The following PTGFR variants were observed in gnomAD, a reference collection of about 807,000 sequenced individuals.
PTGFR encodes prostaglandin F2-alpha receptor.
Under a neutral mutation model 26.2 loss-of-function variants are expected in PTGFR, and 15 were observed. The observed-to-expected ratio is 0.57, with a 90% CI of 0.38 to 0.88. The LOEUF (loss-of-function observed/expected upper bound fraction) is 0.88. Ranked by LOEUF, PTGFR falls within the 40% of genes least tolerant of loss-of-function variation. PTGFR has a pLI of 0.00. For synonymous variants in PTGFR, 165 were observed against 151.1 expected (o/e 1.09, Z -0.68); for missense variants, 369 against 427.2 (o/e 0.86, Z 1.20).
At chr1:78,504,962 G>A (rs1356278299) in intron 2 of PTGFR, among the ~76,000 whole-genome samples, 1 of 151,846 alleles carries the variant, frequency 6.6e-6, no homozygotes, top group Non-Finnish European at 1.5e-5. Flanking sequence ...ATTTTATTTA[G>A]ACTTGAGTAC....
Position 78,514,998 on chromosome 1 carries a change from G to A in PTGFR, c.799-21408G>A, listed in dbSNP as rs59024670. ...ATGCTTCCTGTACAGCCTGCAAAACGGTGAGCCAACTAAACCTCTTTTCTT... is the reference window on the plus strand; with the variant it reads ...ATGCTTCCTGTACAGCCTGCAAAACAGTGAGCCAACTAAACCTCTTTTCTT... On this transcript the variant is annotated intron_variant, in intron 2 of 2. Coordinates refer to ENST00000370757, the MANE Select transcript of PTGFR (RefSeq NM_000959.4). 3.9e-4 allele frequency among the ~76,000 whole-genome samples: 60 copies of A among 152,122 alleles called. No individual in the cohort carries two copies. In the East Asian group the frequency reaches 0.01, roughly 26 times the overall value.
chr1:78,516,467 A>T (rs991676701), intron 2 of PTGFR, among the ~76,000 whole-genome samples: 2 of 152,172 alleles, frequency 1.3e-5, no homozygotes, highest in Non-Finnish European at 1.5e-5. Flanking sequence ...TAAAAGGAGG[A>T]TTATTTTTGT....
At chr1:78,529,736 A>G (rs1465050293) in intron 2 of PTGFR, among the ~76,000 whole-genome samples, 1 of 152,170 alleles carries the variant, frequency 6.6e-6, no homozygotes, top group African/African-American at 2.4e-5. Context: ...ATTAGTCTAA[A>G]GCAGGGGTCC....
chr1:78,539,400 C>A lies in PTGFR; in HGVS notation c.*2713C>A, dbSNP rs1650738598. ...TTGTTAAAACTATTGCTAGCTTCAC[C>A]TGTATACCATCATTGTTCCAAATTA... On this transcript the variant is annotated 3_prime_UTR_variant, in exon 3 of 3. Transcript: ENST00000370757. 6.6e-6 allele frequency: 1 copy of A among 152,338 alleles called. No homozygotes were observed. Among genetic ancestry groups the A allele is most frequent in the Non-Finnish European group, 1.5e-5 (1 of 67,964 alleles). The allele number at this position is 152,338 out of a possible 1,614,324, so 9.4% of individuals were successfully genotyped here. A position where few individuals can be genotyped will look rare whatever the true frequency, so the allele number is the denominator to read the frequency against.
intron 2 of PTGFR, among the ~76,000 whole-genome samples, chr1:78,521,142 C>T (rs944198064): frequency 2.0e-5 from 3 of 152,036 alleles, no homozygotes; most frequent in Admixed American, 2.0e-4. Flanking sequence ...CTCACTGCAA[C>T]CTTTTAAGTA....
intron 2 of PTGFR, among the ~76,000 whole-genome samples, chr1:78,531,676 C>G (rs1052394167): frequency 6.6e-6 from 1 of 151,982 alleles, no homozygotes; most frequent in African/African-American, 2.4e-5. Flanking sequence ...TTAAATCCAA[C>G]TTGACTCTTT....
intron 2 of PTGFR, among the ~76,000 whole-genome samples, chr1:78,504,451 G>A (rs1388480592): frequency 1.3e-5 from 2 of 152,012 alleles, no homozygotes; most frequent in Non-Finnish European, 2.9e-5. Flanking sequence ...GAACTGTTTG[G>A]ATAGCAAAGA....
intron 2 of PTGFR, among the ~76,000 whole-genome samples, chr1:78,507,138 CAGG>C (rs1464981603): frequency 1.3e-5 from 2 of 152,072 alleles, no homozygotes; most frequent in Admixed American, 6.5e-5. Flanking sequence ...CTTTTGTTTC[CAGG>C]AGAACTCTGT....
chr1:78,519,357 TTAGATAA>T (rs1214821912), intron 2 of PTGFR, among the ~76,000 whole-genome samples: 1 of 152,132 alleles, frequency 6.6e-6, no homozygotes, highest in East Asian at 1.9e-4. Flanking sequence ...AATATAGATA[TTAGATAA>T]TAGATAATAA....
rs184554276 is a variant in PTGFR, at chr1:78,522,120, C to T, written c.799-14286C>T. On this transcript the variant is annotated intron_variant, in intron 2 of 2. Transcript: ENST00000370757. Reference sequence around the variant, plus strand: ...TTCCTTGTGACTGTAGATCTGAGGTCCTTGTTTCCTGACTGGCCCTCAGGT... The same window carrying T: ...TTCCTTGTGACTGTAGATCTGAGGTTCTTGTTTCCTGACTGGCCCTCAGGT... 1.5e-3 allele frequency among the ~76,000 whole-genome samples: 224 copies of T among 152,082 alleles called. 2 individuals carry two copies. The highest frequency in any genetic ancestry group is 5.3e-3 in the African/African-American group (221 of 41,486).
At position 78,493,154 on chromosome 1, in the gene PTGFR, C is replaced by G; in HGVS notation, c.411C>G (p.Val137=). Residue 137 remains valine, a synonymous_variant, in exon 2 of 3, where the codon GTC becomes GTG. Transcript: ENST00000370757. ...SVMAIERCIG[V]TKPIFHSTKI... Reference sequence around the variant, plus strand: ...TGGCCATTGAGCGGTGTATTGGAGTCACAAAACCAATATTTCATTCTACGA... The same window carrying G: ...TGGCCATTGAGCGGTGTATTGGAGTGACAAAACCAATATTTCATTCTACGA... 2 of 1,614,174 alleles carry G rather than the reference C, an allele frequency of 1.2e-6. No homozygotes were observed. The highest frequency in any genetic ancestry group is 1.7e-6 in the Non-Finnish European group (2 of 1,180,024).
At chr1:78,510,758 T>C (rs2100369314) in intron 2 of PTGFR, among the ~76,000 whole-genome samples, 1 of 152,254 alleles carries the variant, frequency 6.6e-6, no homozygotes, top group Non-Finnish European at 1.5e-5. Flanking sequence ...CCCAAAGTCT[T>C]TAATTTCATC....
intron 2 of PTGFR, among the ~76,000 whole-genome samples, chr1:78,514,608 C>A (rs1448452740): frequency 6.6e-6 from 1 of 151,740 alleles, no homozygotes; most frequent in Admixed American, 6.6e-5. Context: ...ATTGCGAAGG[C>A]TTGACTGTAT....
Position 78,491,036 on chromosome 1 carries a change from C to G in PTGFR, c.-273C>G, listed in dbSNP as rs1649378292. On this transcript the variant is annotated 5_prime_UTR_variant, in exon 1 of 3. Transcript: ENST00000370757. ...CTAGGTGCAGAGGGATCCCAGGAGC[C>G]GCGCGCGCCCCGCAGTTTCCGCGCT... 6.6e-6 allele frequency: 1 copy of G among 152,260 alleles called. No individual in the cohort carries two copies. Among genetic ancestry groups the G allele is most frequent in the Admixed American group, 6.5e-5 (1 of 15,294 alleles). The allele number at this position is 152,260 out of a possible 1,614,324, so 9.4% of individuals were successfully genotyped here.
At chr1:78,526,940 C>A (rs1051120693) in intron 2 of PTGFR, among the ~76,000 whole-genome samples, 2 of 152,080 alleles carry the variant, frequency 1.3e-5, no homozygotes, top group African/African-American at 4.8e-5. Flanking sequence ...CTTGCAGGGC[C>A]TTGTAGCTTT....
chr1:78,491,898 C>G (rs920326090), intron 1 of PTGFR, among the ~76,000 whole-genome samples: 3 of 152,144 alleles, frequency 2.0e-5, no homozygotes, highest in Admixed American at 2.0e-4. Context: ...CTTCAACCCC[C>G]TAGGGAAAGA....
At chr1:78,494,333 G>C (rs1240580717) in intron 2 of PTGFR, among the ~76,000 whole-genome samples, 2 of 152,146 alleles carry the variant, frequency 1.3e-5, no homozygotes, top group Non-Finnish European at 2.9e-5. Context: ...AATGTAAGAA[G>C]TGACAACATG....
intron 2 of PTGFR, among the ~76,000 whole-genome samples, chr1:78,512,591 T>G (rs1649999758): frequency 6.6e-6 from 1 of 152,156 alleles, no homozygotes; most frequent in Non-Finnish European, 1.5e-5. Flanking sequence ...AACTCACTCA[T>G]TATTATAAGG....
At chr1:78,512,408 G>A (rs1400914948) in intron 2 of PTGFR, among the ~76,000 whole-genome samples, 2 of 152,158 alleles carry the variant, frequency 1.3e-5, no homozygotes. Flanking sequence ...GTCTGGGGAG[G>A]CCTCAGAGAG....
Sources: gnomAD v4.1 joint callset for allele counts (sites outside exome capture counted in the v4.1 genomes callset) on GRCh38, gnomAD v4.1.1 for gene constraint, MANE v1.5 for transcripts, NCBI Gene and HGNC (gene_info 2026-07-23, HGNC 2026-07-21) for gene names.